The following AFF2 variants were observed in gnomAD, a reference collection of about 807,000 sequenced individuals.
The protein encoded by AFF2 is ALF transcription elongation factor 2, also known as AF4/FMR2 family member 2.
A neutral mutation model predicts 76.9 loss-of-function variants in AFF2; 14 were observed. That is an observed-to-expected ratio of 0.18 (90% CI 0.12 to 0.28). The LOEUF (loss-of-function observed/expected upper bound fraction) is 0.28. Among genes scored for constraint, AFF2 ranks in the 10% least tolerant of loss-of-function variants. The probability of loss-of-function intolerance (pLI) is 1.00; values close to 1 mark genes in which losing one functional copy is unlikely to be tolerated. For synonymous variants in AFF2, 398 were observed against 366.7 expected (o/e 1.09, Z -0.98); for missense variants, 868 against 1,001.1 (o/e 0.87, Z 1.79).
rs1052824725 is a variant in AFF2 at position 148,619,478 on chromosome X, T to C, written c.48-32521T>C. 7.1e-5 allele frequency among the ~76,000 whole-genome samples: 8 copies of C among 112,276 alleles called. No homozygotes were observed. In the Admixed American group the frequency reaches 7.5e-4, roughly 11 times the overall value. Reference sequence around the variant, plus strand: ...GCTCCAATGTAATTGATGAACATATTCTTTACCAGAGCTGTTAACAAATAG... The same window carrying C: ...GCTCCAATGTAATTGATGAACATATCCTTTACCAGAGCTGTTAACAAATAG... On this transcript the variant is annotated intron_variant, in intron 1 of 20. Transcript: ENST00000370460.
rs1481948717 is a variant in AFF2, at chrX:148,801,509, T to C, written c.1042-8367T>C. Among the ~76,000 whole-genome samples the C allele has an allele frequency of 4.5e-5, 5 of 111,782 alleles. No homozygotes were observed. In the East Asian group the frequency reaches 1.4e-3, roughly 31 times the overall value. On this transcript the variant is annotated intron_variant, in intron 3 of 20. Transcript: ENST00000370460. ...ATGTCATCTTCTCATCTTTAATTTC[T>C]CCAACCCAGCTGCTTATGTACCTAG...
At chrX:148,608,407 A>G (rs1165124679) in intron 1 of AFF2, among the ~76,000 whole-genome samples, 1 of 111,741 alleles carries the variant, frequency 8.9e-6, no homozygotes, top group Non-Finnish European at 1.9e-5. Context: ...TTCAGAATCC[A>G]TGGAAAACTC....
intron 1 of AFF2, among the ~76,000 whole-genome samples, chrX:148,531,576 A>G (rs1425405008): frequency 8.9e-6 from 1 of 112,381 alleles, no homozygotes; most frequent in East Asian, 2.8e-4. Flanking sequence ...CATCTGTGTA[A>G]TGGGGTTGTT....
At chrX:148,709,422 AGT>A (rs2054932387) in intron 3 of AFF2, among the ~76,000 whole-genome samples, 1 of 111,863 alleles carries the variant, frequency 8.9e-6, no homozygotes, top group Non-Finnish European at 1.9e-5. Context: ...TGTATAAATT[AGT>A]GTGTTTAATG....
chrX:148,555,991 T>C (rs1042522712), intron 1 of AFF2, among the ~76,000 whole-genome samples: 2 of 112,067 alleles, frequency 1.8e-5, no homozygotes, highest in Admixed American at 1.9e-4. Context: ...GTAATTTAGA[T>C]GTAGCTGTGG....
chrX:148,818,880 C>T (rs1401299708), intron 4 of AFF2, among the ~76,000 whole-genome samples: 2 of 110,829 alleles, frequency 1.8e-5, no homozygotes, highest in East Asian at 2.8e-4. Flanking sequence ...GCTAATGGGT[C>T]GATGACAGCC....
chrX:148,560,434 A>AATCAT (rs1254843513), intron 1 of AFF2, among the ~76,000 whole-genome samples: 1 of 112,251 alleles, frequency 8.9e-6, no homozygotes, highest in Non-Finnish European at 1.9e-5. Context: ...AAAACCCTAG[A>AATCAT]AGAAAACCTA....
chrX:148,867,253 A>T (rs147183036), intron 7 of AFF2, among the ~76,000 whole-genome samples: 43 of 111,943 alleles, frequency 3.8e-4, no homozygotes, highest in African/African-American at 1.3e-3. Context: ...CGTCATTTGG[A>T]TAGGGGTTTC....
chrX:148,618,816 A>G (rs1557250867), intron 1 of AFF2, among the ~76,000 whole-genome samples: 1 of 111,275 alleles, frequency 9.0e-6, no homozygotes, highest in African/African-American at 3.3e-5. Context: ...CTGAACAGGG[A>G]TAAATTTCTA....
chrX:148,599,667 G>A (rs1357775005), intron 1 of AFF2, among the ~76,000 whole-genome samples: 3 of 111,564 alleles, frequency 2.7e-5, no homozygotes, highest in Non-Finnish European at 5.6e-5. Flanking sequence ...TTACGAAGAG[G>A]AAATGTCAGT....
chrX:148,803,128 C>T (rs1332564619), intron 3 of AFF2, among the ~76,000 whole-genome samples: 2 of 111,032 alleles, frequency 1.8e-5, no homozygotes, highest in African/African-American at 3.3e-5. Flanking sequence ...GAGGAGTTGG[C>T]TGCTTACCTA....
Position 148,920,413 on chromosome X carries a change from AT to A in AFF2, c.1397+16162del, listed in dbSNP as rs782054095. On this transcript the variant is annotated intron_variant, in intron 9 of 20. Coordinates refer to ENST00000370460, the MANE Select transcript of AFF2 (RefSeq NM_002025.4). ...ATTTAGGTGTTGCATATCCATGTTC[AT>A]TTTTTTGAAATTAAAATTCTATAAA... 4.5e-3 allele frequency among the ~76,000 whole-genome samples: 501 copies of A among 111,947 alleles called. 2 individuals carry two copies. The highest frequency in any genetic ancestry group is 0.016 in the African/African-American group (482 of 30,802).
At chrX:148,927,942 A>T (rs1322502972) in intron 9 of AFF2, among the ~76,000 whole-genome samples, 2 of 112,000 alleles carry the variant, frequency 1.8e-5, no homozygotes, top group African/African-American at 6.5e-5. Flanking sequence ...ATGATCAGGG[A>T]TTTTCACTGT....
At chrX:148,945,905 T>C (rs1309157952) in intron 9 of AFF2, among the ~76,000 whole-genome samples, 5 of 111,483 alleles carry the variant, frequency 4.5e-5, no homozygotes, top group African/African-American at 1.6e-4. Context: ...GTAAGGAAAA[T>C]GCAGCTGTCT....
At chrX:148,722,581 C>T (rs903815481) in intron 3 of AFF2, among the ~76,000 whole-genome samples, 1 of 111,193 alleles carries the variant, frequency 9.0e-6, no homozygotes, top group African/African-American at 3.3e-5. Context: ...TGACTTCTTT[C>T]TAACTTGTTT....
chrX:148,832,890 GCT>G (rs1298545854), intron 4 of AFF2, among the ~76,000 whole-genome samples: 5 of 111,613 alleles, frequency 4.5e-5, no homozygotes, highest in Non-Finnish European at 7.5e-5. Context: ...TGCTTTTGGG[GCT>G]CTCTCTGACT....
intron 3 of AFF2, among the ~76,000 whole-genome samples, chrX:148,792,377 C>A (rs1344368959): frequency 1.8e-5 from 2 of 112,677 alleles, no homozygotes; most frequent in African/African-American, 6.4e-5. Context: ...TGCTTGAACT[C>A]AGGAGGCGGA....
intron 3 of AFF2, among the ~76,000 whole-genome samples, chrX:148,779,868 T>C (rs1356947881): frequency 8.9e-6 from 1 of 112,343 alleles, no homozygotes; most frequent in Non-Finnish European, 1.9e-5. Flanking sequence ...TTGGTTTGTT[T>C]TTGCAGTGGC....
chrX:148,796,701 T>A (rs1487599498), intron 3 of AFF2, among the ~76,000 whole-genome samples: 1 of 112,451 alleles, frequency 8.9e-6, no homozygotes, highest in Non-Finnish European at 1.9e-5. Context: ...GAACGCTTGA[T>A]GTCTGATGGT....
Sources: allele counts gnomAD v4.1 joint callset (sites outside exome capture counted in the v4.1 genomes callset), GRCh38; gene constraint gnomAD v4.1.1; transcripts MANE v1.5; gene names NCBI Gene and HGNC (gene_info 2026-07-23, HGNC 2026-07-21).